Variants in MBNL2 observed in about 807,000 individuals in gnomAD.
MBNL2 encodes the protein muscleblind-like protein 2.
Under a neutral mutation model 41.9 loss-of-function variants are expected in MBNL2, and 17 were observed. The observed-to-expected ratio is 0.41, with a 90% CI of 0.28 to 0.61. The LOEUF (loss-of-function observed/expected upper bound fraction) is 0.61. MBNL2 is among the 20% of genes least tolerant of loss of function. The pLI, the probability that MBNL2 is intolerant of heterozygous loss-of-function variation, is 0.35. For missense variants in MBNL2, 336 were observed against 505.6 expected (o/e 0.66, Z 3.22); for synonymous variants, 195 against 182.9 (o/e 1.07, Z -0.53).
chr13:97,166,837 T>TAGATAGATAGGAAGAAAGAAAGAA, the MBNL2 span, among the ~76,000 whole-genome samples: 1 of 143,498 alleles, frequency 7.0e-6, no homozygotes, highest in East Asian at 2.1e-4. Flanking sequence ...GATAGATAGA[T>TAGATAGATAGGAAGAAAGAAAGAA]AGAAAGATAG....
intron 2 of MBNL2, among the ~76,000 whole-genome samples, chr13:97,306,718 G>C (rs2058160176): frequency 6.6e-6 from 1 of 152,214 alleles, no homozygotes; most frequent in Non-Finnish European, 1.5e-5. Flanking sequence ...CCCAGCACCA[G>C]AAAGAGATGA....
At position 97,393,767 on chromosome 13, in the gene MBNL2, A is replaced by G; in HGVS notation, c.*2318A>G. The stretch of plus-strand genomic sequence containing the variant: ...GTTTATATTCAGAAGTCTGACTATG[A>G]TGAATAAATCTTAAATGCTTTGTTT... On this transcript the variant is annotated 3_prime_UTR_variant, in exon 9 of 9. Coordinates refer to ENST00000679496, the MANE Select transcript of MBNL2 (RefSeq NM_001382683.1). 6.6e-6 allele frequency: 1 copy of G among 152,616 alleles called. No homozygotes were observed. The highest frequency in any genetic ancestry group is 1.5e-5 in the Non-Finnish European group (1 of 67,960). 9.5% of individuals were successfully genotyped at this position (152,616 alleles called of 1,614,324 possible).
upstream of MBNL2, chr13:97,222,239 A>G (rs1407568487): frequency 2.5e-6 from 1 of 394,764 alleles, no homozygotes; most frequent in Non-Finnish European, 4.5e-6. Flanking sequence ...CCAGTTTCAG[A>G]CGAGTAGGGC....
intron 8 of MBNL2, among the ~76,000 whole-genome samples, chr13:97,381,720 C>G (rs1434630355): frequency 6.6e-6 from 1 of 151,666 alleles, no homozygotes; most frequent in East Asian, 1.9e-4. Flanking sequence ...GTTGCCAGTT[C>G]CTGTTCTTTA....
At chr13:97,284,503 C>A (rs1054124815) in intron 2 of MBNL2, among the ~76,000 whole-genome samples, 1 of 152,194 alleles carries the variant, frequency 6.6e-6, no homozygotes, top group Non-Finnish European at 1.5e-5. Flanking sequence ...TGGGTTAAGG[C>A]CCTGCCCTTC....
At chr13:97,342,966 A>C (rs748369270) in intron 3 of MBNL2, 50 bp from the exon 4 acceptor site, 1 of 1,209,768 alleles carries the variant, frequency 8.3e-7, no homozygotes, top group African/African-American at 1.5e-5. Context: ...GTAATTTTTT[A>C]AAGTTTTATT....
the MBNL2 span, among the ~76,000 whole-genome samples, chr13:97,166,543 A>G: frequency 6.6e-6 from 1 of 152,166 alleles, no homozygotes; most frequent in Non-Finnish European, 1.5e-5. Flanking sequence ...GGTGGGCACC[A>G]TCTAATCAGC....
At chr13:97,153,283 AGAG>A in the MBNL2 span, among the ~76,000 whole-genome samples, 1 of 151,958 alleles carries the variant, frequency 6.6e-6, no homozygotes, top group East Asian at 1.9e-4. Context: ...GAATGTGGAA[AGAG>A]GAGCACATGC....
At chr13:97,305,708 G>T (rs545287236) in intron 2 of MBNL2, among the ~76,000 whole-genome samples, 38 of 152,214 alleles carry the variant, frequency 2.5e-4, no homozygotes, top group Admixed American at 9.2e-4. Context: ...GGTTGAGGCT[G>T]CAGTAAGCCG....
chr13:97,147,046 T>C, the MBNL2 span, among the ~76,000 whole-genome samples: 3 of 152,274 alleles, frequency 2.0e-5, no homozygotes, highest in African/African-American at 4.8e-5. Flanking sequence ...CAAGATTACA[T>C]TGGAAACAGA....
chr13:97,346,934 G>A lies in MBNL2; in HGVS notation c.671G>A (p.Gly224Glu). 6.2e-7 allele frequency: 1 copy of A among 1,614,120 alleles called. No individual in the cohort carries two copies. The highest frequency in any genetic ancestry group is 8.5e-7 in the Non-Finnish European group (1 of 1,179,976). ...TVTVCMDYIKGRCMREKCKYF... is the reference protein window; with the variant it reads ...TVTVCMDYIKERCMREKCKYF... The stretch of plus-strand genomic sequence containing the variant: ...ACCGTTTGTATGGATTACATAAAGG[G>A]GCGTTGCATGAGGGAGAAATGCAAA... The change falls in exon 5 of 9, where the codon GGG becomes GAG. Residue 224 changes from glycine to glutamate, a missense_variant. Transcript: ENST00000679496. The surrounding 1 kb of genome is among the most constrained non-coding windows in gnomAD (Gnocchi z 4.2).
chr13:97,206,593 T>A, the MBNL2 span, among the ~76,000 whole-genome samples: 1 of 152,096 alleles, frequency 6.6e-6, no homozygotes, highest in African/African-American at 2.4e-5. Flanking sequence ...AATTGCTATA[T>A]CCTTGTTGCA....
chr13:97,180,450 T>A, the MBNL2 span, among the ~76,000 whole-genome samples: 1 of 152,066 alleles, frequency 6.6e-6, no homozygotes, highest in Non-Finnish European at 1.5e-5. Context: ...TCAAATGGTG[T>A]GATCGGCCAG....
chr13:97,205,223 TA>T, the MBNL2 span, among the ~76,000 whole-genome samples: 1 of 140,212 alleles, frequency 7.1e-6, no homozygotes, highest in Non-Finnish European at 1.5e-5. Context: ...ATATTTATAT[TA>T]AAAATATATA....
At chr13:97,236,866 C>T (rs1238732771) in intron 1 of MBNL2, among the ~76,000 whole-genome samples, 1 of 152,194 alleles carries the variant, frequency 6.6e-6, no homozygotes, top group Non-Finnish European at 1.5e-5. Flanking sequence ...ATATACAAAA[C>T]ATCTCCTTGT....
At chr13:97,167,389 TAAA>T in the MBNL2 span, among the ~76,000 whole-genome samples, 8 of 144,654 alleles carry the variant, frequency 5.5e-5, no homozygotes, top group Admixed American at 6.9e-5. Context: ...ATGCTTTATG[TAAA>T]AAAAAAAAAA....
chr13:97,295,376 T>C (rs755579957), intron 2 of MBNL2, among the ~76,000 whole-genome samples: 3 of 152,084 alleles, frequency 2.0e-5, no homozygotes, highest in Non-Finnish European at 4.4e-5. Flanking sequence ...GCAGAACTAA[T>C]TGCTAAAGTG....
the MBNL2 span, among the ~76,000 whole-genome samples, chr13:97,195,658 A>G: frequency 1.3e-5 from 2 of 152,174 alleles, no homozygotes; most frequent in Non-Finnish European, 2.9e-5. Flanking sequence ...ATGGTACTAA[A>G]ATTATACATA....
chr13:97,170,074 G>A, the MBNL2 span, among the ~76,000 whole-genome samples: 1 of 152,104 alleles, frequency 6.6e-6, no homozygotes, highest in Non-Finnish European at 1.5e-5. Flanking sequence ...GGTAATTCTG[G>A]TCATTCTGAC....
Sources: allele counts gnomAD v4.1 joint callset (sites outside exome capture counted in the v4.1 genomes callset), GRCh38; gene constraint gnomAD v4.1.1; non-coding constraint Gnocchi (gnomAD v3.1); transcripts MANE v1.5; gene names NCBI Gene and HGNC (gene_info 2026-07-23, HGNC 2026-07-21).